The following ERBB4 variants were observed in gnomAD, a reference collection of about 807,000 sequenced individuals.
ERBB4 encodes the protein erb-b2 receptor tyrosine kinase 4, also known as receptor tyrosine-protein kinase erbB-4.
In ERBB4, 42 loss-of-function variants were observed where a neutral mutation model predicts 158.0. That is an observed-to-expected ratio of 0.27 (90% confidence interval 0.21 to 0.34). ERBB4 has a LOEUF of 0.34. Among genes scored for constraint, ERBB4 ranks in the 10% least tolerant of loss-of-function variants. ERBB4 has a pLI of 1.00. For missense variants in ERBB4, 1,333 were observed against 1,624.1 expected (o/e 0.82, Z 3.08); for synonymous variants, 583 against 558.7 (o/e 1.04, Z -0.61).
chr2:211,431,174 T>G (rs907604696), intron 20 of ERBB4, 74 bp from the exon 21 acceptor site: 1 of 1,428,014 alleles, frequency 7.0e-7, no homozygotes, highest in African/African-American at 1.4e-5. Flanking sequence ...ACAAAGTTTC[T>G]TAGCCTTCAG....
At chr2:211,492,203 T>C (rs1455764814) in intron 20 of ERBB4, among the ~76,000 whole-genome samples, 3 of 152,152 alleles carry the variant, frequency 2.0e-5, no homozygotes, top group South Asian at 2.1e-4. Context: ...AGTGAAAATA[T>C]TGGCAGTGTG....
intron 3 of ERBB4, among the ~76,000 whole-genome samples, chr2:211,814,840 T>C (rs535362251): frequency 2.0e-5 from 3 of 152,290 alleles, no homozygotes; most frequent in Admixed American, 1.3e-4. Context: ...AGTACAATGA[T>C]AGGAAGTAGG....
chr2:212,002,289 A>G (rs913675719), intron 2 of ERBB4, among the ~76,000 whole-genome samples: 3 of 152,214 alleles, frequency 2.0e-5, no homozygotes, highest in Non-Finnish European at 2.9e-5. Context: ...CACATGCAGA[A>G]GAGGGGTTTC....
intron 5 of ERBB4, among the ~76,000 whole-genome samples, chr2:211,741,124 C>T (rs780911937): frequency 2.6e-5 from 4 of 152,106 alleles, no homozygotes; most frequent in Non-Finnish European, 4.4e-5. Context: ...TCCTATTCAT[C>T]AGAAGCATGT....
intron 1 of ERBB4, among the ~76,000 whole-genome samples, chr2:212,514,731 G>A (rs940237198): frequency 2.6e-5 from 4 of 152,190 alleles, no homozygotes; most frequent in African/African-American, 9.6e-5. Flanking sequence ...TCTGAACCCG[G>A]GAGGCAGAGG....
At chr2:211,609,969 T>C (rs541918792) in intron 19 of ERBB4, among the ~76,000 whole-genome samples, 2 of 150,398 alleles carry the variant, frequency 1.3e-5, no homozygotes. Context: ...ATTCTCTTGA[T>C]TATTTTGAGG....
intron 20 of ERBB4, among the ~76,000 whole-genome samples, chr2:211,525,445 A>G (rs1169532335): frequency 1.3e-5 from 2 of 152,152 alleles, no homozygotes; most frequent in Admixed American, 6.5e-5. Context: ...TCTGGGCCAG[A>G]AGAAAACCTG....
intron 1 of ERBB4, among the ~76,000 whole-genome samples, chr2:212,423,312 T>A (rs565805175): frequency 6.6e-6 from 1 of 152,256 alleles, no homozygotes; most frequent in East Asian, 1.9e-4. Context: ...ACTATCTTTC[T>A]AAAAAGTGAC....
chr2:211,761,440 C>A (rs774403469), intron 4 of ERBB4, among the ~76,000 whole-genome samples: 1 of 152,040 alleles, frequency 6.6e-6, no homozygotes, highest in Non-Finnish European at 1.5e-5. Flanking sequence ...CAGCGACATC[C>A]ATCTTAATCA....
chr2:211,773,628 AT>A (rs1160460708), intron 4 of ERBB4, among the ~76,000 whole-genome samples: 689 of 52,008 alleles, frequency 0.013, 28 homozygotes, highest in Non-Finnish European at 0.021. Context: ...ATATATATAT[AT>A]ATATATATAT....
chr2:212,384,405 T>C (rs540909332), intron 1 of ERBB4, among the ~76,000 whole-genome samples: 6 of 151,366 alleles, frequency 4.0e-5, no homozygotes, highest in African/African-American at 1.5e-4. Flanking sequence ...CTCTCCTTCT[T>C]GTGACGGAGA....
chr2:212,022,416 C>T (rs1265384109), intron 2 of ERBB4, among the ~76,000 whole-genome samples: 1 of 151,926 alleles, frequency 6.6e-6, no homozygotes, highest in Non-Finnish European at 1.5e-5. Flanking sequence ...ATTATCCTCA[C>T]CAAATTAAAG....
chr2:211,929,507 A>G (rs936688268), intron 3 of ERBB4, among the ~76,000 whole-genome samples: 1 of 152,148 alleles, frequency 6.6e-6, no homozygotes, highest in African/African-American at 2.4e-5. Context: ...ATGCCTTTGT[A>G]CATACACTTC....
At chr2:211,978,168 C>CTGCAGAAT (rs1483368277) in intron 2 of ERBB4, among the ~76,000 whole-genome samples, 2 of 151,920 alleles carry the variant, frequency 1.3e-5, no homozygotes, top group Non-Finnish European at 2.9e-5. Flanking sequence ...ATGAAAGAGA[C>CTGCAGAAT]TGCAGAATTG....
chr2:211,867,863 T>C (rs1272568877), intron 3 of ERBB4, among the ~76,000 whole-genome samples: 1 of 152,206 alleles, frequency 6.6e-6, no homozygotes, highest in African/African-American at 2.4e-5. Context: ...ACTATGTATG[T>C]TCAATCCATC....
rs950976045 is a variant in ERBB4 at position 212,353,475 on chromosome 2, T to C, written c.82+184974A>G. 1.2e-4 allele frequency among the ~76,000 whole-genome samples: 18 copies of C among 150,106 alleles called. No homozygotes were observed. In the East Asian group the frequency reaches 3.3e-3, roughly 28 times the overall value. ...AAATATTTTATAATATATACATATA[T>C]AAAATACAAATTATTTCCTAGACAG... On this transcript the variant is annotated intron_variant, in intron 1 of 27. Transcript: ENST00000342788.
chr2:211,784,925 C>T (rs1375402418), intron 4 of ERBB4, among the ~76,000 whole-genome samples: 1 of 152,124 alleles, frequency 6.6e-6, no homozygotes, highest in East Asian at 1.9e-4. Context: ...AATGTCTATA[C>T]AAATCTTTTG....
rs370594165 is a variant in ERBB4, at chr2:211,583,996, G to C, written c.2302-21908C>G. Among the ~76,000 whole-genome samples, 7 of 147,958 alleles carry C rather than the reference G, an allele frequency of 4.7e-5. No homozygotes were observed. In the East Asian group the frequency reaches 7.8e-4, roughly 17 times the overall value. ...CATTTCTTTGAAAAGAATTTAAAAA[G>C]AATGTATTATGACAGGTGAGATAGC... On this transcript the variant is annotated intron_variant, in intron 19 of 27. Coordinates refer to ENST00000342788, the MANE Select transcript of ERBB4 (RefSeq NM_005235.3).
chr2:212,249,595 A>T (rs909738964), intron 1 of ERBB4, among the ~76,000 whole-genome samples: 15 of 151,956 alleles, frequency 9.9e-5, no homozygotes, highest in South Asian at 2.1e-4. Flanking sequence ...ACACCATAGA[A>T]TTAAAACAAG....
Sources: allele counts gnomAD v4.1 joint callset (sites outside exome capture counted in the v4.1 genomes callset), GRCh38; gene constraint gnomAD v4.1.1; transcripts MANE v1.5; gene names NCBI Gene and HGNC (gene_info 2026-07-23, HGNC 2026-07-21).